METTL8: variants seen among roughly 807,000 people sequenced by gnomAD.
METTL8 encodes methyltransferase 8, tRNA N3-cytidine.
A neutral mutation model predicts 48.7 loss-of-function variants in METTL8; 32 were observed. The ratio of observed to expected loss-of-function variants is 0.66; its 90% CI spans 0.50 to 0.88. The LOEUF (loss-of-function observed/expected upper bound fraction) is 0.88. Ranked by LOEUF, METTL8 falls within the 40% of genes least tolerant of loss-of-function variation. The pLI is 0.00. For missense variants in METTL8, 464 were observed against 474.4 expected (o/e 0.98, Z 0.20); for synonymous variants, 136 against 157.1 (o/e 0.87, Z 1.01).
At chr2:171,386,625 G>A (rs1381410871) in intron 2 of METTL8, among the ~76,000 whole-genome samples, 1 of 152,014 alleles carries the variant, frequency 6.6e-6, no homozygotes, top group African/African-American at 2.4e-5. Flanking sequence ...TTAGCTGGGC[G>A]TGGTGGCAAT....
chr2:171,372,087 G>A (rs1686420948), intron 2 of METTL8, among the ~76,000 whole-genome samples: 1 of 152,082 alleles, frequency 6.6e-6, no homozygotes, highest in African/African-American at 2.4e-5. Context: ...AGGTGCTGAA[G>A]AAACCAATAC....
chr2:171,423,369 G>A (rs1692071412), intron 1 of METTL8, among the ~76,000 whole-genome samples: 1 of 152,208 alleles, frequency 6.6e-6, no homozygotes, highest in Non-Finnish European at 1.5e-5. Context: ...GTAACAGGCA[G>A]AGGTTGGAAC....
chr2:171,334,237 C>A (rs1458232814), intron 5 of METTL8, among the ~76,000 whole-genome samples: 1 of 152,152 alleles, frequency 6.6e-6, no homozygotes, highest in Non-Finnish European at 1.5e-5. Flanking sequence ...GAACAGTCTA[C>A]GAGCTAAAGG....
intron 2 of METTL8, among the ~76,000 whole-genome samples, chr2:171,368,083 G>A (rs1685905670): frequency 6.6e-6 from 1 of 152,304 alleles, no homozygotes; most frequent in African/African-American, 2.4e-5. Flanking sequence ...CATCCAGTGA[G>A]CAGCAAAGAA....
At chr2:171,339,122 A>T in intron 4 of METTL8, 62 bp downstream of exon 4, 1 of 1,360,408 alleles carries the variant, frequency 7.4e-7, no homozygotes, top group Non-Finnish European at 9.7e-7. Context: ...TAATAAAATA[A>T]TACAGAATGT....
intron 1 of METTL8, among the ~76,000 whole-genome samples, chr2:171,433,452 T>C (rs945613721): frequency 3.9e-5 from 6 of 152,162 alleles, no homozygotes; most frequent in Non-Finnish European, 8.8e-5. Flanking sequence ...ACGTGGGAGA[T>C]ACAGCGGCCC....
At chr2:171,427,043 C>T (rs1446984160) in intron 1 of METTL8, among the ~76,000 whole-genome samples, 1 of 152,194 alleles carries the variant, frequency 6.6e-6, no homozygotes, top group African/African-American at 2.4e-5. Context: ...TAATAAAATC[C>T]AGGCATTGTT....
At chr2:171,330,445 T>A (rs1473548146) in intron 7 of METTL8, 114 bp downstream of exon 7, 1 of 980,294 alleles carries the variant, frequency 1.0e-6, no homozygotes, top group Non-Finnish European at 1.5e-6. Flanking sequence ...TTATACATAA[T>A]GTTGCTCACT....
At chr2:171,424,366 A>G (rs976961795) in intron 1 of METTL8, among the ~76,000 whole-genome samples, 2 of 152,154 alleles carry the variant, frequency 1.3e-5, no homozygotes, top group African/African-American at 4.8e-5. Context: ...CCAGAACTGT[A>G]GATCCACTGA....
chr2:171,319,001 T>C lies in METTL8; in HGVS notation c.*5171A>G, dbSNP rs994060680. On this transcript the variant is annotated 3_prime_UTR_variant, in exon 10 of 10. Coordinates refer to ENST00000375258, the MANE Select transcript of METTL8 (RefSeq NM_001321154.2). ...TTTGAGGATTAAATAATGTGTATAG[T>C]ATACACAAAATCTAGCATTCAGAGC... 6.6e-6 allele frequency: 1 copy of C among 152,078 alleles called. No homozygotes were observed. The highest frequency in any genetic ancestry group is 1.5e-5 in the Non-Finnish European group (1 of 68,014). The allele number at this position is 152,078 out of a possible 1,614,324, so 9.4% of individuals were successfully genotyped here.
intron 3 of METTL8, among the ~76,000 whole-genome samples, chr2:171,346,175 C>T (rs577112435): frequency 9.2e-5 from 14 of 152,128 alleles, no homozygotes; most frequent in Admixed American, 4.6e-4. Context: ...ACTACAAGCA[C>T]GCACAACCAC....
At chr2:171,340,466 CA>C (rs1169604268) in intron 3 of METTL8, among the ~76,000 whole-genome samples, 13 of 135,628 alleles carry the variant, frequency 9.6e-5, no homozygotes, top group Non-Finnish European at 1.4e-4. Flanking sequence ...CACGCCATTG[CA>C]CTCCAGCCTG....
intron 7 of METTL8, 73 bp downstream of exon 7, chr2:171,330,484 TGC>T: frequency 7.1e-7 from 1 of 1,405,928 alleles, no homozygotes; most frequent in East Asian, 2.3e-5. Flanking sequence ...TTGTCATTTT[TGC>T]TTTGATAGTT....
chr2:171,382,948 C>T (rs1687713068), intron 2 of METTL8, among the ~76,000 whole-genome samples: 1 of 151,982 alleles, frequency 6.6e-6, no homozygotes, highest in Admixed American at 6.6e-5. Context: ...GTGGCGGGCG[C>T]CTGTAATCCC....
At chr2:171,353,076 G>T (rs1684124533) in intron 3 of METTL8, among the ~76,000 whole-genome samples, 1 of 152,170 alleles carries the variant, frequency 6.6e-6, no homozygotes, top group Non-Finnish European at 1.5e-5. Context: ...GTCAATTTTA[G>T]ATCTTTCCTG....
chr2:171,338,402 C>A (rs1205337816), intron 4 of METTL8, among the ~76,000 whole-genome samples: 1 of 152,080 alleles, frequency 6.6e-6, no homozygotes, highest in Non-Finnish European at 1.5e-5. Context: ...CTTTAGGAGG[C>A]TGAGGCGGGC....
At chr2:171,433,497 A>T (rs754245126) in intron 1 of METTL8, among the ~76,000 whole-genome samples, 21 of 152,164 alleles carry the variant, frequency 1.4e-4, no homozygotes, top group Non-Finnish European at 1.8e-4. Flanking sequence ...GCGGTGGGAC[A>T]CATGTGGTGC....
intron 5 of METTL8, 37 bp from the exon 6 acceptor site, chr2:171,331,904 G>C: frequency 6.7e-7 from 1 of 1,485,496 alleles, no homozygotes; most frequent in Non-Finnish European, 9.2e-7. Context: ...TATTTTTTTG[G>C]AGACAGGGTC....
At chr2:171,329,777 A>G (rs1685330076) in intron 7 of METTL8, among the ~76,000 whole-genome samples, 1 of 152,232 alleles carries the variant, frequency 6.6e-6, no homozygotes, top group African/African-American at 2.4e-5. Context: ...ACACTCATCA[A>G]ACAAAAAGTG....
Sources: gnomAD v4.1 joint callset for allele counts (sites outside exome capture counted in the v4.1 genomes callset) on GRCh38, gnomAD v4.1.1 for gene constraint, MANE v1.5 for transcripts, NCBI Gene and HGNC (gene_info 2026-07-23, HGNC 2026-07-21) for gene names.